Variants in GHRHR observed in about 807,000 individuals in gnomAD.
GHRHR encodes growth hormone releasing hormone receptor, also known as growth hormone-releasing hormone receptor.
A neutral mutation model predicts 58.3 loss-of-function variants in GHRHR; 40 were observed. That is an observed-to-expected ratio of 0.69 (90% confidence interval 0.53 to 0.89). The LOEUF is 0.89. GHRHR is among the 40% of genes least tolerant of loss of function. The pLI, the probability that GHRHR is intolerant of heterozygous loss-of-function variation, is 0.00. For synonymous variants in GHRHR, 249 were observed against 216.6 expected, an observed-to-expected ratio of 1.15 and a Z score of -1.31; for missense variants, 551 against 541.3, an observed-to-expected ratio of 1.02 and a Z score of -0.18.
intron 8 of GHRHR, 23 bp downstream of exon 8, chr7:30,974,512 T>A: frequency 6.4e-7 from 1 of 1,553,430 alleles, no homozygotes; most frequent in Non-Finnish European, 8.9e-7. Flanking sequence ...GGCCACCTTG[T>A]CATACCCGCT....
At chr7:30,972,472 C>A (rs1411177772) in intron 6 of GHRHR, among the ~76,000 whole-genome samples, 1 of 152,048 alleles carries the variant, frequency 6.6e-6, no homozygotes, top group African/African-American at 2.4e-5. Context: ...CAGGAAGAGC[C>A]CATGGGACAG....
At chr7:30,978,933 T>C (rs556296913) in intron 12 of GHRHR, among the ~76,000 whole-genome samples, 186 bp from the exon 13 acceptor site, 11 of 152,340 alleles carry the variant, frequency 7.2e-5, no homozygotes, top group Middle Eastern at 6.8e-3. Flanking sequence ...TGAGAAATAC[T>C]CACAGGAAGG....
chr7:30,975,334 G>T (rs944612423), intron 9 of GHRHR, among the ~76,000 whole-genome samples: 1 of 152,208 alleles, frequency 6.6e-6, no homozygotes, highest in African/African-American at 2.4e-5. Flanking sequence ...GGGGTGCCGG[G>T]TGGGGGCAGT....
chr7:30,969,951 T>G lies in GHRHR; in HGVS notation c.353T>G (p.Leu118Arg), dbSNP rs760929445. ...GTGGCCTGCCCTGTGCCTCTGGAGC[T>G]GCTGGCTGAGGAGGTAAGAGTCTTC... is the stretch of plus-strand genomic sequence containing the variant. Reference protein sequence around the residue: ...YPVACPVPLELLAEEESYFST... With the variant: ...YPVACPVPLERLAEEESYFST... Residue 118 changes from leucine (L) to arginine (R), a missense_variant, in exon 4 of 13, where the codon CTG (leucine) becomes CGG (arginine). Physicochemically the swap from Leu to Arg is moderately radical, Grantham distance 102. Transcript: ENST00000326139. 1.5e-6 allele frequency: 2 copies of G among 1,329,438 alleles called. No homozygotes were observed. The highest frequency in any genetic ancestry group is 2.3e-5 in the South Asian group (2 of 85,520). The allele number at this position is 1,329,438 out of a possible 1,614,324, so 82.4% of individuals were successfully genotyped here.
chr7:30,968,640 CCCTT>C lies in GHRHR; in HGVS notation c.58-171_58-168del, dbSNP rs760999972. Among the ~76,000 whole-genome samples, 137 of 81,860 alleles carry C rather than the reference CCCTT, an allele frequency of 1.7e-3. 2 individuals carry two copies. Among genetic ancestry groups the C allele is most frequent in the South Asian group, 5.9e-3 (16 of 2,706 alleles). 53.7% of individuals were successfully genotyped at this position (81,860 alleles called of 152,430 possible). On this transcript the variant is annotated intron_variant, in intron 1 of 12. Coordinates refer to ENST00000326139, the MANE Select transcript of GHRHR (RefSeq NM_000823.4). ...TCCCTCCCTCCCTCCCTCCCTCCCT[CCCTT>C]CCTTCCTTCCTTCCTTCCTTCCATC...
chr7:30,976,541 G>C lies in GHRHR; in HGVS notation c.1087G>C (p.Gly363Arg), dbSNP rs1417562969. 2 of 1,612,826 alleles carry C rather than the reference G, an allele frequency of 1.2e-6. No homozygotes were observed. Among genetic ancestry groups the C allele is most frequent in the East Asian group, 4.5e-5 (2 of 44,872 alleles). Residue 363 changes from glycine to arginine, a missense_variant, in exon 11 of 13, where the codon GGA (glycine) becomes CGA (arginine). By Grantham distance (125) the Gly-to-Arg change is moderately radical. Coordinates refer to ENST00000326139, the MANE Select transcript of GHRHR (RefSeq NM_000823.4). ...GLGIRLPLEL[G>R]LGSFQGFIVA... ...GGGCATCCGCCTCCCCCTGGAGCTG[G>C]GACTGGGTTCCTTCCAGGTGAGGGC...
At chr7:30,971,328 T>C in intron 5 of GHRHR, 112 bp downstream of exon 5, 1 of 704,714 alleles carries the variant, frequency 1.4e-6, no homozygotes, top group Non-Finnish European at 2.6e-6. Context: ...CTAGGCGCCA[T>C]ACCCATGTCT....
intron 11 of GHRHR, among the ~76,000 whole-genome samples, chr7:30,977,007 T>G (rs1314615367): frequency 6.6e-6 from 1 of 152,154 alleles, no homozygotes; most frequent in Middle Eastern, 3.2e-3. Context: ...GATCCCCTAT[T>G]ATGTGCCAAG....
At chr7:30,967,671 T>C (rs542769104) in intron 1 of GHRHR, among the ~76,000 whole-genome samples, 3 of 151,934 alleles carry the variant, frequency 2.0e-5, no homozygotes, top group Non-Finnish European at 4.4e-5. Context: ...TCCACTAGCC[T>C]TCCTTCCTTC....
chr7:30,974,442 C>G lies in GHRHR; in HGVS notation c.765C>G (p.Leu255=). 1.9e-6 allele frequency: 3 copies of G among 1,612,240 alleles called. No individual in the cohort carries two copies. Among genetic ancestry groups the G allele is most frequent in the Non-Finnish European group, 2.5e-6 (3 of 1,178,266 alleles). The change falls in exon 8 of 13, where the codon CTC becomes CTG. Residue 255 remains leucine (L), a synonymous_variant. Coordinates refer to ENST00000326139, the MANE Select transcript of GHRHR (RefSeq NM_000823.4). ...GTACTCCTGTAGGGCTGCCCGTGCT[C>G]TTCACTGGCACGTGGGTGAGCTGCA... ...LVLAGWGLPV[L]FTGTWVSCKL... is the part of the protein sequence containing the mutation.
rs563735138 is a variant in GHRHR, at chr7:30,964,007, A to G, written c.-62A>G. 2 of 1,426,886 alleles carry G rather than the reference A, an allele frequency of 1.4e-6. No homozygotes were observed. The highest frequency in any genetic ancestry group is 1.9e-6 in the Non-Finnish European group (2 of 1,034,900). 88.4% of individuals were successfully genotyped at this position (1,426,886 alleles called of 1,614,324 possible). On this transcript the variant is annotated 5_prime_UTR_variant, in exon 1 of 13. Transcript: ENST00000326139. ...GGAAACGGCTGTGTCAGGGGACAGC[A>G]GGGGAAGGAAGATAGCCAAGGCTTA...
intron 6 of GHRHR, among the ~76,000 whole-genome samples, chr7:30,973,088 C>T (rs913712681): frequency 1.3e-5 from 2 of 152,088 alleles, no homozygotes; most frequent in East Asian, 1.9e-4. Context: ...GTCTGTTACA[C>T]GTGTTATATA....
chr7:30,971,727 C>A (rs1792484436), intron 5 of GHRHR, among the ~76,000 whole-genome samples: 1 of 152,158 alleles, frequency 6.6e-6, no homozygotes, highest in South Asian at 2.1e-4. Context: ...CTGTGAGCAC[C>A]CTCGAGGCAG....
chr7:30,965,490 T>A (rs914837015), intron 1 of GHRHR, among the ~76,000 whole-genome samples: 4 of 152,140 alleles, frequency 2.6e-5, no homozygotes, highest in Admixed American at 1.3e-4. Flanking sequence ...TTTGGATAAA[T>A]CTTAGAACGA....
At chr7:30,968,225 C>T (rs963558758) in intron 1 of GHRHR, among the ~76,000 whole-genome samples, 7 of 152,148 alleles carry the variant, frequency 4.6e-5, no homozygotes, top group Non-Finnish European at 1.0e-4. Context: ...ACAGGTTCCA[C>T]AGATTAGGAT....
intron 6 of GHRHR, among the ~76,000 whole-genome samples, chr7:30,973,465 TCAAA>T (rs1463080825): frequency 2.6e-5 from 4 of 152,146 alleles, no homozygotes; most frequent in Non-Finnish European, 5.9e-5. Flanking sequence ...GGGGCTGGGA[TCAAA>T]CCTGGGCCAA....
At chr7:30,974,173 G>T (rs752795621) in intron 7 of GHRHR, 35 bp downstream of exon 7, 2 of 1,607,472 alleles carry the variant, frequency 1.2e-6, no homozygotes, top group Non-Finnish European at 1.7e-6. Context: ...ACCATGGGGA[G>T]GTAAAGGGCT....
At position 30,963,992 on chromosome 7, in the gene GHRHR, G is replaced by A. The variant is rs1426310124; in HGVS notation, c.-77G>A. Reference sequence around the variant, plus strand: ...AGCAGAGGGTGCGGTGGAAACGGCTGTGTCAGGGGACAGCAGGGGAAGGAA... The same window carrying A: ...AGCAGAGGGTGCGGTGGAAACGGCTATGTCAGGGGACAGCAGGGGAAGGAA... On this transcript the variant is annotated 5_prime_UTR_variant, in exon 1 of 13. In the 5' UTR this introduces an upstream ATG that the reference lacks. Transcript: ENST00000326139. 6 of 1,342,980 alleles carry A rather than the reference G, an allele frequency of 4.5e-6. No homozygotes were observed. The highest frequency in any genetic ancestry group is 6.3e-6 in the Non-Finnish European group (6 of 959,088). The allele number at this position is 1,342,980 out of a possible 1,614,324, so 83.2% of individuals were successfully genotyped here.
At position 30,979,326 on chromosome 7, in the gene GHRHR, G is replaced by A; in HGVS notation, c.*82G>A. ...TGCCATGCTCTGGAGGAGCAAGGGG[G>A]CCACATCCCCACCCCAGCTGTTACC... On this transcript the variant is annotated 3_prime_UTR_variant, in exon 13 of 13. Transcript: ENST00000326139. The A allele has an allele frequency of 7.1e-7, 1 of 1,414,160 alleles. No individual in the cohort carries two copies. The highest frequency in any genetic ancestry group is 1.2e-5 in the South Asian group (1 of 84,336). The allele number at this position is 1,414,160 out of a possible 1,614,324, so 87.6% of individuals were successfully genotyped here.
Sources: allele counts gnomAD v4.1 joint callset (sites outside exome capture counted in the v4.1 genomes callset), GRCh38; gene constraint gnomAD v4.1.1; transcripts MANE v1.5; gene names NCBI Gene and HGNC (gene_info 2026-07-23, HGNC 2026-07-21).